Variants in SLC35B3 observed in about 807,000 individuals in gnomAD.
SLC35B3 encodes adenosine 3'-phospho 5'-phosphosulfate transporter 2.
SLC35B3 carries 35 observed loss-of-function variants against 44.1 expected under a neutral mutation model. The observed-to-expected ratio is 0.79, with a 90% CI of 0.61 to 1.05. The LOEUF (loss-of-function observed/expected upper bound fraction) is 1.05. Ranked by LOEUF, SLC35B3 falls within the 50% of genes least tolerant of loss-of-function variation. SLC35B3 has a pLI of 0.00. For missense variants in SLC35B3, 414 were observed against 476.4 expected (o/e 0.87, Z 1.22); for synonymous variants, 146 against 167.3 (o/e 0.87, Z 0.98).
intron 8 of SLC35B3, among the ~76,000 whole-genome samples, 180 bp from the exon 8 acceptor site, chr6:8,417,175 C>A (rs1224145577): frequency 6.6e-6 from 1 of 152,098 alleles, no homozygotes; most frequent in Admixed American, 6.6e-5. Flanking sequence ...AGATCCTCAA[C>A]TTTCCTACAT....
chr6:8,417,930 C>T (rs967319450), intron 7 of SLC35B3, among the ~76,000 whole-genome samples: 1 of 151,928 alleles, frequency 6.6e-6, no homozygotes, highest in Non-Finnish European at 1.5e-5. Flanking sequence ...CTCTATTTTC[C>T]AACCAACCTT....
chr6:8,420,593 A>G lies in SLC35B3; in HGVS notation c.682+128T>C. 3 of 630,154 alleles carry G rather than the reference A, an allele frequency of 4.8e-6. No homozygotes were observed. The highest frequency in any genetic ancestry group is 2.2e-5 in the South Asian group (1 of 45,334). 39.0% of individuals were successfully genotyped at this position (630,154 alleles called of 1,614,324 possible). A position where few individuals can be genotyped will look rare whatever the true frequency, so the allele number is the denominator to read the frequency against. The stretch of plus-strand genomic sequence containing the variant: ...TCACTACATCTTATATGGAAAGTCC[A>G]AAAGCTTTATGTTAGATATGAAAAT... On this transcript the variant is annotated intron_variant, in intron 6 of 10. Transcript: ENST00000644923. This position sits in a 1 kb window ranked among gnomAD's most constrained non-coding sequence, Gnocchi z 4.4.
chr6:8,428,364 T>A (rs974810868), intron 3 of SLC35B3, among the ~76,000 whole-genome samples: 1 of 152,186 alleles, frequency 6.6e-6, no homozygotes, highest in Non-Finnish European at 1.5e-5. Flanking sequence ...TAAGAGTTAT[T>A]CTAATAGTTA....
chr6:8,415,589 G>T (rs1186210139), intron 9 of SLC35B3, among the ~76,000 whole-genome samples: 1 of 152,122 alleles, frequency 6.6e-6, no homozygotes, highest in Non-Finnish European at 1.5e-5. Flanking sequence ...CTTCCCACTT[G>T]ACTATGTGCT....
chr6:8,421,613 C>T (rs180731402), intron 5 of SLC35B3, among the ~76,000 whole-genome samples: 1 of 152,318 alleles, frequency 6.6e-6, no homozygotes, highest in Admixed American at 6.5e-5. Flanking sequence ...ATGTGAACAA[C>T]AGAAGCTACT....
chr6:8,422,073 C>T (rs1280037365), intron 5 of SLC35B3, among the ~76,000 whole-genome samples: 3 of 152,102 alleles, frequency 2.0e-5, no homozygotes, highest in South Asian at 2.1e-4. Flanking sequence ...GGTGTGACCT[C>T]GGCTCACTGC....
intron 5 of SLC35B3, 88 bp downstream of exon 4, chr6:8,422,382 T>A: frequency 1.0e-6 from 1 of 983,772 alleles, no homozygotes; most frequent in Non-Finnish European, 1.6e-6. Context: ...ATTGAAAATG[T>A]AATAGAAGTT....
At position 8,435,296 on chromosome 6, in the gene SLC35B3, G is replaced by A. The variant is rs546193009; in HGVS notation, c.-44+47C>T. On this transcript the variant is annotated intron_variant, in intron 1 of 10. Transcript: ENST00000644923. The surrounding 1 kb of genome is among the most constrained non-coding windows in gnomAD (Gnocchi z 5.5). ...CAGTGTCAAGGTTTTCTGGAGGAGA[G>A]GAGATCTGGGTCCCAAACACAGGAA... The A allele has an allele frequency of 2.6e-3, 3,348 of 1,289,368 alleles. 3 individuals carry two copies. Among genetic ancestry groups the A allele is most frequent in the Non-Finnish European group, 3.0e-3 (3,012 of 988,868 alleles). The allele number at this position is 1,289,368 out of a possible 1,614,324, so 79.9% of individuals were successfully genotyped here. A position where few individuals can be genotyped will look rare whatever the true frequency, so the allele number is the denominator to read the frequency against.
chr6:8,431,840 G>A (rs144362940), intron 2 of SLC35B3, among the ~76,000 whole-genome samples: 7 of 152,154 alleles, frequency 4.6e-5, no homozygotes, highest in East Asian at 1.9e-4. Context: ...AAATAAACCC[G>A]GCCTTACATA....
Position 8,416,973 on chromosome 6 carries a change from TAACCATAGGTCCG to T in SLC35B3, c.883_895del (p.Arg295MetfsTer19). Reference sequence around the variant, plus strand: ...TCCAGTGAGGGAAAAAAGGAACGCATAACCATAGGTCCGAACTGGATTCTGCAAAAAATAAAAA... The same window carrying T: ...TCCAGTGAGGGAAAAAAGGAACGCATAACTGGATTCTGCAAAAAATAAAAA... On this transcript the variant is annotated frameshift_variant, in exon 9 of 11. Transcript: ENST00000644923. LOFTEE classifies it high-confidence loss of function. 6.2e-7 allele frequency: 1 copy of T among 1,602,296 alleles called. No homozygotes were observed. Among genetic ancestry groups the T allele is most frequent in the Middle Eastern group, 1.7e-4 (1 of 6,026 alleles).
rs746173254 is a variant in SLC35B3, at chr6:8,428,063, CAA to C, written c.298-7_298-6del. 4.4e-6 allele frequency: 7 copies of C among 1,581,670 alleles called. No individual in the cohort carries two copies. The highest frequency in any genetic ancestry group is 1.4e-5 in the African/African-American group (1 of 73,630). ...CTCCACTGAAAATATTAATTCCTGT[CAA>C]AAGACACATGAACACTGTTAAGTCC... is the stretch of plus-strand genomic sequence containing the variant. On this transcript the variant is annotated splice_polypyrimidine_tract_variant and splice_region_variant and intron_variant, in intron 3 of 10. Transcript: ENST00000644923.
At chr6:8,426,220 T>G (rs1763396920) in intron 4 of SLC35B3, among the ~76,000 whole-genome samples, 1 of 152,236 alleles carries the variant, frequency 6.6e-6, no homozygotes, top group South Asian at 2.1e-4. Context: ...GGTTTTGGAA[T>G]ATTTGCATCT....
intron 2 of SLC35B3, among the ~76,000 whole-genome samples, chr6:8,431,931 T>TG (rs762341976): frequency 1.3e-5 from 2 of 151,874 alleles, no homozygotes; most frequent in African/African-American, 2.4e-5. Flanking sequence ...ACCAGGGACT[T>TG]TAAAACACCG....
At position 8,435,094 on chromosome 6, in the gene SLC35B3, T is replaced by C. The variant is rs1245410543; in HGVS notation, c.-44+249A>G. 2.2e-5 allele frequency: 27 copies of C among 1,236,022 alleles called. No homozygotes were observed. Among genetic ancestry groups the C allele is most frequent in the Middle Eastern group, 3.6e-4 (1 of 2,812 alleles). 76.6% of individuals were successfully genotyped at this position (1,236,022 alleles called of 1,614,324 possible). A position where few individuals can be genotyped will look rare whatever the true frequency, so the allele number is the denominator to read the frequency against. ...CACCTCACCCCTGCGAGTCCACGGA[T>C]TGGGACCTGAGGGAGTTCTCGCCAG... is the stretch of plus-strand genomic sequence containing the variant. On this transcript the variant is annotated intron_variant, in intron 1 of 10. Transcript: ENST00000644923. The surrounding 1 kb of genome is among the most constrained non-coding windows in gnomAD (Gnocchi z 5.5).
rs539304355 is a variant in SLC35B3, at chr6:8,432,369, T to G, written c.3+2016A>C. On this transcript the variant is annotated intron_variant, in intron 2 of 10. Transcript: ENST00000644923. The surrounding 1 kb of genome is among the most constrained non-coding windows in gnomAD (Gnocchi z 4.8). ...AAAACTTCTAGAAAATATCTTTCTT[T>G]CCTGCTTTTATTGGCATCAAAACAT... 6.6e-6 allele frequency among the ~76,000 whole-genome samples: 1 copy of G among 152,196 alleles called. No homozygotes were observed. The highest frequency in any genetic ancestry group is 2.4e-5 in the African/African-American group (1 of 41,542).
At chr6:8,417,570 G>A in intron 7 of SLC35B3, 76 bp from the exon 7 acceptor site, 2 of 744,768 alleles carry the variant, frequency 2.7e-6, no homozygotes, top group Middle Eastern at 3.9e-4. Flanking sequence ...TAACTCTATG[G>A]CTCAATTAGG....
chr6:8,421,362 A>G (rs1762874743), intron 5 of SLC35B3, among the ~76,000 whole-genome samples: 2 of 152,240 alleles, frequency 1.3e-5, no homozygotes, highest in Admixed American at 1.3e-4. Flanking sequence ...TATAACGACA[A>G]TATTATATAT....
chr6:8,427,795 T>C, intron 4 of SLC35B3, 142 bp downstream of exon 3: 1 of 596,144 alleles, frequency 1.7e-6, no homozygotes, highest in Non-Finnish European at 2.8e-6. Flanking sequence ...GAATAAAATG[T>C]ATTTAGTATT....
At chr6:8,430,328 T>G (rs1000373944) in intron 2 of SLC35B3, among the ~76,000 whole-genome samples, 171 bp from the exon 2 acceptor site, 2 of 152,208 alleles carry the variant, frequency 1.3e-5, no homozygotes, top group African/African-American at 4.8e-5. Flanking sequence ...GCCTACAATC[T>G]TTAAACAATT....
Sources: gnomAD v4.1 joint callset for allele counts (sites outside exome capture counted in the v4.1 genomes callset) on GRCh38, gnomAD v4.1.1 for gene constraint, Gnocchi (gnomAD v3.1) non-coding constraint, MANE v1.5 for transcripts, NCBI Gene and HGNC (gene_info 2026-07-23, HGNC 2026-07-21) for gene names.